The following LNPK variants were observed in gnomAD, a reference collection of about 807,000 sequenced individuals.
LNPK encodes the protein lunapark, ER junction formation factor.
A neutral mutation model predicts 55.2 loss-of-function variants in LNPK; 29 were observed. The ratio of observed to expected loss-of-function variants is 0.53; its 90% CI spans 0.39 to 0.72. The LOEUF is 0.72. Ranked by LOEUF, LNPK falls within the 30% of genes least tolerant of loss-of-function variation. The probability of loss-of-function intolerance (pLI) is 0.00; values close to 1 mark genes in which losing one functional copy is unlikely to be tolerated. For synonymous variants in LNPK, 162 were observed against 168.2 expected (o/e 0.96, Z 0.29); for missense variants, 467 against 494.8 (o/e 0.94, Z 0.53).
At chr2:175,951,066 A>G (rs1685372642) in intron 8 of LNPK, among the ~76,000 whole-genome samples, 1 of 152,172 alleles carries the variant, frequency 6.6e-6, no homozygotes, top group African/African-American at 2.4e-5. Flanking sequence ...TGAATGTTTT[A>G]TAATACAAAT....
intron 8 of LNPK, 108 bp downstream of exon 8, chr2:175,964,264 C>T (rs1686216262): frequency 1.3e-6 from 1 of 755,334 alleles, no homozygotes. Flanking sequence ...TAAATTTACA[C>T]AGAAGCATTC....
Position 175,937,385 on chromosome 2 carries a change from G to A in LNPK, c.1013C>T (p.Pro338Leu), listed in dbSNP as rs753864965. Residue 338 changes from proline to leucine, a missense_variant, in exon 12 of 13, where the codon CCA (proline) becomes CTA (leucine). Coordinates refer to ENST00000272748, the MANE Select transcript of LNPK (RefSeq NM_030650.3). ...VEGSSSVGPL[P>L]SGSVLSSDNQ... ...GTCTGATGAAAGCACACTTCCTGAT[G>A]GCAAGGGACCAACTGAACTTGAACC... 13 of 1,613,650 alleles carry A rather than the reference G, an allele frequency of 8.1e-6. No individual in the cohort carries two copies. The highest frequency in any genetic ancestry group is 1.0e-5 in the Non-Finnish European group (12 of 1,179,734).
At chr2:175,962,968 T>C (rs561165743) in intron 8 of LNPK, among the ~76,000 whole-genome samples, 10,521 of 148,316 alleles carry the variant, frequency 0.071, 378 homozygotes, top group South Asian at 0.097. Flanking sequence ...TCATCATCAC[T>C]GGCCATCAGA....
At chr2:175,935,855 G>A in intron 12 of LNPK, 1 of 254,012 alleles carries the variant, frequency 3.9e-6, no homozygotes, top group Non-Finnish European at 6.2e-6. Flanking sequence ...CTTGACCTTA[G>A]CAGAAGACAG....
At chr2:176,002,470 A>G (rs1214808910), upstream of LNPK, 2 of 294,456 alleles carry the variant, frequency 6.8e-6, no homozygotes, top group Non-Finnish European at 1.3e-5. Context: ...GCAGTTATGT[A>G]CTGCCATTTA....
chr2:175,983,535 C>T (rs1187254489), intron 4 of LNPK, among the ~76,000 whole-genome samples: 1 of 152,132 alleles, frequency 6.6e-6, no homozygotes, highest in African/African-American at 2.4e-5. Flanking sequence ...TCAAGACAGA[C>T]CAACTTCTTT....
At chr2:175,940,534 G>A (rs1356586418) in intron 9 of LNPK, among the ~76,000 whole-genome samples, 1 of 152,042 alleles carries the variant, frequency 6.6e-6, no homozygotes, top group Admixed American at 6.6e-5. Context: ...TAACACACAG[G>A]CCATTAGGTA....
intron 5 of LNPK, among the ~76,000 whole-genome samples, chr2:175,973,441 G>A (rs1574871945): frequency 6.6e-6 from 1 of 152,274 alleles, no homozygotes; most frequent in Admixed American, 6.5e-5. Flanking sequence ...AGTATGTTCT[G>A]TGAAGTACCT....
intron 10 of LNPK, among the ~76,000 whole-genome samples, chr2:175,938,992 TTACA>T (rs1397440690): frequency 1.3e-5 from 2 of 152,092 alleles, no homozygotes; most frequent in African/African-American, 4.8e-5. Flanking sequence ...ATACGATTTA[TTACA>T]TAAACACTAA....
chr2:175,942,639 G>GA (rs961717302), intron 9 of LNPK, among the ~76,000 whole-genome samples: 30 of 150,566 alleles, frequency 2.0e-4, no homozygotes, highest in African/African-American at 6.3e-4. Flanking sequence ...AATGAAAATG[G>GA]AAAAAAAATC....
intron 8 of LNPK, among the ~76,000 whole-genome samples, chr2:175,951,083 C>T (rs970490423): frequency 6.6e-6 from 1 of 151,980 alleles, no homozygotes; most frequent in Non-Finnish European, 1.5e-5. Context: ...AAATACTCGT[C>T]CCTTAATTTA....
intron 8 of LNPK, among the ~76,000 whole-genome samples, chr2:175,953,164 G>A (rs905445399): frequency 6.6e-6 from 1 of 151,920 alleles, no homozygotes; most frequent in Non-Finnish European, 1.5e-5. Context: ...CTCTACTTTT[G>A]ACTCTGATCA....
At chr2:175,983,764 T>A (rs191048757) in intron 4 of LNPK, among the ~76,000 whole-genome samples, 233 of 151,654 alleles carry the variant, frequency 1.5e-3, no homozygotes, top group East Asian at 2.5e-3. Context: ...AAACTTTTTT[T>A]AAAAAACCTT....
rs1006801825 is a variant in LNPK at position 175,925,203 on chromosome 2, C to G, written c.*4764G>C. 10 of 152,138 alleles carry G rather than the reference C, an allele frequency of 6.6e-5. No homozygotes were observed. Among genetic ancestry groups the G allele is most frequent in the African/African-American group, 2.4e-4 (10 of 41,412 alleles). 9.4% of individuals were successfully genotyped at this position (152,138 alleles called of 1,614,324 possible). On this transcript the variant is annotated 3_prime_UTR_variant, in exon 13 of 13. Transcript: ENST00000272748. The stretch of plus-strand genomic sequence containing the variant: ...CCTCTTCTGATACAACTATGTTCTC[C>G]ATAACAATAGTGACTGTGTGTCTAA...
rs1245884146 is a variant in LNPK, at chr2:175,928,397, G to C, written c.*1570C>G. The stretch of plus-strand genomic sequence containing the variant: ...ACAGATGAAAAAATAATCTCAGTGA[G>C]TTTATAGGTGACTTGCCCAAGACTA... On this transcript the variant is annotated 3_prime_UTR_variant, in exon 13 of 13. Coordinates refer to ENST00000272748, the MANE Select transcript of LNPK (RefSeq NM_030650.3). 6.6e-6 allele frequency: 1 copy of C among 150,720 alleles called. No homozygotes were observed. Among genetic ancestry groups the C allele is most frequent in the African/African-American group, 2.4e-5 (1 of 40,998 alleles). 9.3% of individuals were successfully genotyped at this position (150,720 alleles called of 1,614,324 possible). A position where few individuals can be genotyped will look rare whatever the true frequency, so the allele number is the denominator to read the frequency against.
intron 4 of LNPK, 91 bp downstream of exon 4, chr2:175,992,140 A>G (rs1015164429): frequency 2.5e-6 from 2 of 788,382 alleles, no homozygotes; most frequent in African/African-American, 1.9e-5. Flanking sequence ...TTACCATTTA[A>G]TAATAAAGAG....
intron 12 of LNPK, among the ~76,000 whole-genome samples, chr2:175,934,262 T>C (rs1260047525): frequency 6.6e-6 from 1 of 152,208 alleles, no homozygotes; most frequent in Non-Finnish European, 1.5e-5. Flanking sequence ...ATAGTTTAAT[T>C]TCCTGGAGCA....
chr2:175,973,868 G>A (rs1376104001), intron 5 of LNPK, among the ~76,000 whole-genome samples: 3 of 152,072 alleles, frequency 2.0e-5, no homozygotes, highest in East Asian at 3.8e-4. Flanking sequence ...TTGCTGAAAC[G>A]TTACTAGTCT....
chr2:175,935,148 A>C (rs1376903954), intron 12 of LNPK, among the ~76,000 whole-genome samples: 1 of 152,184 alleles, frequency 6.6e-6, no homozygotes, highest in Admixed American at 6.5e-5. Flanking sequence ...TTTAAAGAAA[A>C]GTTTGGATGG....
Sources: gnomAD v4.1 joint callset for allele counts (sites outside exome capture counted in the v4.1 genomes callset) on GRCh38, gnomAD v4.1.1 for gene constraint, MANE v1.5 for transcripts, NCBI Gene and HGNC (gene_info 2026-07-23, HGNC 2026-07-21) for gene names.